The following ARID1B variants were observed in gnomAD, a reference collection of about 807,000 sequenced individuals.
ARID1B encodes the protein AT-rich interactive domain-containing protein 1B.
A neutral mutation model predicts 212.3 loss-of-function variants in ARID1B; 30 were observed. The observed-to-expected ratio is 0.14, with a 90% CI of 0.11 to 0.19. The LOEUF is 0.19. Ranked by LOEUF, ARID1B falls within the 10% of genes least tolerant of loss-of-function variation. ARID1B has a pLI of 1.00. For missense variants in ARID1B, 2,891 were observed against 3,204.0 expected, an observed-to-expected ratio of 0.90 and a Z score of 2.36; for synonymous variants, 1,402 against 1,301.7, an observed-to-expected ratio of 1.08 and a Z score of -1.66.
intron 4 of ARID1B, among the ~76,000 whole-genome samples, chr6:157,019,407 G>A (rs949249588): frequency 1.3e-5 from 2 of 152,162 alleles, no homozygotes; most frequent in African/African-American, 2.4e-5. Context: ...GCAGACTGTC[G>A]TCATATACAT....
chr6:156,992,330 T>A (rs888976504), intron 4 of ARID1B, among the ~76,000 whole-genome samples: 4 of 152,174 alleles, frequency 2.6e-5, no homozygotes, highest in Admixed American at 1.3e-4. Flanking sequence ...TTTCTGAGGT[T>A]CATGGGGAAA....
intron 4 of ARID1B, among the ~76,000 whole-genome samples, chr6:157,027,187 C>T (rs951124056): frequency 6.6e-6 from 1 of 152,122 alleles, no homozygotes; most frequent in Non-Finnish European, 1.5e-5. Context: ...ATTAGTTTAC[C>T]TAATTAAATA....
intron 2 of ARID1B, among the ~76,000 whole-genome samples, chr6:156,837,890 G>A (rs767714321): frequency 3.3e-5 from 5 of 152,128 alleles, no homozygotes; most frequent in Non-Finnish European, 5.9e-5. Context: ...GAAATGTTTG[G>A]GACGTCCTGG....
rs558084705 is a variant in ARID1B at position 156,907,886 on chromosome 6, C to T, written c.2136+6361C>T. 8.5e-3 allele frequency among the ~76,000 whole-genome samples: 1,159 copies of T among 136,696 alleles called. 8 individuals carry two copies. The highest frequency in any genetic ancestry group is 0.012 in the Non-Finnish European group (821 of 65,764). The allele number at this position is 136,696 out of a possible 152,430, so 89.7% of individuals were successfully genotyped here. ...TCGCGCCACTGCACTGCAGCCTGGG[C>T]GACAGAGCAAGACTGTCTCAAAAAA... On this transcript the variant is annotated intron_variant, in intron 3 of 19. Coordinates refer to ENST00000636930, the MANE Select transcript of ARID1B (RefSeq NM_001374828.1).
In ARID1B at chr6:156,779,165, G is replaced by A. The variant is rs1778979991; in HGVS notation, c.1485G>A (p.Pro495=). ...FQRFAGQNQH[P]SGATPTLNQL... is the part of the protein sequence containing the mutation. ...GCTTCGCCGGCCAGAACCAGCACCC[G>A]TCGGGGGCCACCCCGACCCTCAATC... is the stretch of plus-strand genomic sequence containing the variant. The change falls in exon 1 of 20, where the codon CCG becomes CCA. Residue 495 remains proline (P), a synonymous_variant. Transcript: ENST00000636930. 7.5e-7 allele frequency: 1 copy of A among 1,329,530 alleles called. No homozygotes were observed. Among genetic ancestry groups the A allele is most frequent in the Non-Finnish European group, 9.7e-7 (1 of 1,033,668 alleles). The allele number at this position is 1,329,530 out of a possible 1,614,324, so 82.4% of individuals were successfully genotyped here. A position where few individuals can be genotyped will look rare whatever the true frequency, so the allele number is the denominator to read the frequency against.
chr6:157,044,068 T>C (rs1337205740), intron 4 of ARID1B, among the ~76,000 whole-genome samples: 1 of 152,222 alleles, frequency 6.6e-6, no homozygotes. Context: ...TGATCTTATG[T>C]CAGAGAAAAA....
At chr6:157,050,382 A>G (rs146509236) in intron 4 of ARID1B, among the ~76,000 whole-genome samples, 2,121 of 152,232 alleles carry the variant, frequency 0.014, 39 homozygotes, top group African/African-American at 0.043. Context: ...CGTCTCTACT[A>G]AAAATACAAA....
intron 1 of ARID1B, among the ~76,000 whole-genome samples, chr6:156,807,984 A>G (rs1424463896): frequency 6.6e-6 from 1 of 151,954 alleles, no homozygotes; most frequent in African/African-American, 2.4e-5. Flanking sequence ...GCAGTCCTAG[A>G]CTCCCGTGTC....
chr6:157,080,624 T>C (rs774420053), intron 4 of ARID1B, among the ~76,000 whole-genome samples: 1 of 152,202 alleles, frequency 6.6e-6, no homozygotes, highest in Non-Finnish European at 1.5e-5. Context: ...TCTGAACATA[T>C]TCATGCTGCA....
chr6:156,891,236 C>T (rs1787899288), intron 2 of ARID1B, among the ~76,000 whole-genome samples: 1 of 152,160 alleles, frequency 6.6e-6, no homozygotes, highest in Non-Finnish European at 1.5e-5. Context: ...CCTGTGAAAT[C>T]AGGAGCCAGC....
At chr6:156,826,124 T>G (rs1180410423) in intron 1 of ARID1B, among the ~76,000 whole-genome samples, 3 of 152,256 alleles carry the variant, frequency 2.0e-5, no homozygotes, top group Non-Finnish European at 4.4e-5. Context: ...AGTAACAGTT[T>G]AAAATTGTAT....
chr6:156,853,550 G>T (rs1376769134), intron 2 of ARID1B, among the ~76,000 whole-genome samples: 1 of 151,964 alleles, frequency 6.6e-6, no homozygotes, highest in African/African-American at 2.4e-5. Context: ...GGGGCAAGGT[G>T]TAGAAATGTC....
chr6:157,102,522 T>C (rs1786122982), intron 5 of ARID1B, among the ~76,000 whole-genome samples: 1 of 152,012 alleles, frequency 6.6e-6, no homozygotes, highest in Admixed American at 6.6e-5. Flanking sequence ...TATGGAAGAA[T>C]GTGAGATTTC....
chr6:156,918,956 T>A (rs1790572851), intron 3 of ARID1B, among the ~76,000 whole-genome samples: 1 of 152,192 alleles, frequency 6.6e-6, no homozygotes, highest in Non-Finnish European at 1.5e-5. Context: ...AGGTGTAATT[T>A]GCTGCGTTAA....
At chr6:157,035,777 G>A (rs1379007119) in intron 4 of ARID1B, among the ~76,000 whole-genome samples, 1 of 152,188 alleles carries the variant, frequency 6.6e-6, no homozygotes, top group Non-Finnish European at 1.5e-5. Context: ...GGTGGTCAGT[G>A]AGCCTGGCTT....
At chr6:156,901,700 C>A in intron 3 of ARID1B, 175 bp downstream of exon 3, 1 of 846,900 alleles carries the variant, frequency 1.2e-6, no homozygotes, top group Non-Finnish European at 1.8e-6. Flanking sequence ...GTCTTTTCCC[C>A]TTTTGAGATT....
chr6:156,807,547 A>G (rs996322830), intron 1 of ARID1B, among the ~76,000 whole-genome samples: 1 of 152,120 alleles, frequency 6.6e-6, no homozygotes, highest in Non-Finnish European at 1.5e-5. Context: ...TGTATGTTGA[A>G]TATTTAAACT....
At chr6:157,045,908 GT>G (rs1178854060) in intron 4 of ARID1B, among the ~76,000 whole-genome samples, 1 of 152,132 alleles carries the variant, frequency 6.6e-6, no homozygotes, top group East Asian at 1.9e-4. Flanking sequence ...TCAAGGGGGT[GT>G]GGGGAGAGGA....
intron 4 of ARID1B, among the ~76,000 whole-genome samples, chr6:156,979,591 C>T (rs926458069): frequency 6.6e-6 from 1 of 151,834 alleles, no homozygotes; most frequent in Non-Finnish European, 1.5e-5. Flanking sequence ...CAAAGTCTCG[C>T]TCTGTCGCCA....
Sources: allele counts gnomAD v4.1 joint callset (sites outside exome capture counted in the v4.1 genomes callset), GRCh38; gene constraint gnomAD v4.1.1; transcripts MANE v1.5; gene names NCBI Gene and HGNC (gene_info 2026-07-23, HGNC 2026-07-21).